URI1: variants seen among roughly 807,000 people sequenced by gnomAD.
URI1 encodes the protein unconventional prefoldin RPB5 interactor 1.
URI1 carries 39 observed loss-of-function variants against 60.2 expected under a neutral mutation model. That is an observed-to-expected ratio of 0.65 (90% CI 0.50 to 0.85). The LOEUF (loss-of-function observed/expected upper bound fraction) is 0.85, where lower values mean the gene tolerates loss of function less well. Among genes scored for constraint, URI1 ranks in the 40% least tolerant of loss-of-function variants. The pLI is 0.00. For synonymous variants in URI1, 251 were observed against 236.8 expected (o/e 1.06, Z -0.55); for missense variants, 691 against 665.9 (o/e 1.04, Z -0.42).
chr19:29,987,721 T>C (rs1317316466), intron 4 of URI1, among the ~76,000 whole-genome samples: 2 of 152,348 alleles, frequency 1.3e-5, no homozygotes, highest in African/African-American at 2.4e-5. Flanking sequence ...GGAATACTTA[T>C]ACTACAATAG....
intron 2 of URI1, among the ~76,000 whole-genome samples, chr19:29,984,229 C>T (rs1331350008): frequency 2.0e-5 from 3 of 152,080 alleles, no homozygotes; most frequent in Non-Finnish European, 4.4e-5. Context: ...AGTTCGAGAC[C>T]AGCCTGGCCA....
intron 2 of URI1, among the ~76,000 whole-genome samples, chr19:29,980,982 A>AC (rs909511300): frequency 3.2e-4 from 48 of 150,490 alleles, no homozygotes; most frequent in African/African-American, 1.1e-3. Context: ...TTAACTTCTT[A>AC]CTTTAAAGTA....
chr19:30,016,141 A>C lies in URI1; in HGVS notation c.*1072A>C, dbSNP rs1488536369. The stretch of plus-strand genomic sequence containing the variant: ...CCACCCTCTCTATTCATGGCTAAAT[A>C]TTTAAAGGTTATTTATAGCTTCTTT... On this transcript the variant is annotated 3_prime_UTR_variant, in exon 11 of 11. Coordinates refer to ENST00000392271, the MANE Select transcript of URI1 (RefSeq NM_003796.3). The C allele has an allele frequency of 6.6e-6, 1 of 152,180 alleles. No homozygotes were observed. Among genetic ancestry groups the C allele is most frequent in the Non-Finnish European group, 1.5e-5 (1 of 67,988 alleles). 9.4% of individuals were successfully genotyped at this position (152,180 alleles called of 1,614,324 possible).
At chr19:29,926,671 C>T (rs1367996757) in intron 1 of URI1, among the ~76,000 whole-genome samples, 1 of 152,172 alleles carries the variant, frequency 6.6e-6, no homozygotes, top group African/African-American at 2.4e-5. Context: ...CACTTTTCTG[C>T]ATATGTGTTA....
At chr19:29,957,192 T>C (rs1322644833) in intron 1 of URI1, among the ~76,000 whole-genome samples, 1 of 152,128 alleles carries the variant, frequency 6.6e-6, no homozygotes, top group Non-Finnish European at 1.5e-5. Flanking sequence ...TCTTCTGTTT[T>C]CATGAATGTA....
At position 30,015,203 on chromosome 19, in the gene URI1, CT is replaced by C. The variant is rs1280663494; in HGVS notation, c.*136del. On this transcript the variant is annotated 3_prime_UTR_variant, in exon 11 of 11. Coordinates refer to ENST00000392271, the MANE Select transcript of URI1 (RefSeq NM_003796.3). ...TACTTTGGCAACAAGTTCTTTTACCCTTACCCGTGGTATTTGAAAAAAATCA... is the reference window on the plus strand; with the variant it reads ...TACTTTGGCAACAAGTTCTTTTACCCTACCCGTGGTATTTGAAAAAAATCA... 5 of 1,433,472 alleles carry C rather than the reference CT, an allele frequency of 3.5e-6. No homozygotes were observed. The highest frequency in any genetic ancestry group is 4.6e-6 in the Non-Finnish European group (5 of 1,096,360). 88.8% of individuals were successfully genotyped at this position (1,433,472 alleles called of 1,614,324 possible). A position where few individuals can be genotyped will look rare whatever the true frequency, so the allele number is the denominator to read the frequency against.
At chr19:29,972,657 CTA>C (rs1244673580) in intron 2 of URI1, among the ~76,000 whole-genome samples, 2 of 152,076 alleles carry the variant, frequency 1.3e-5, no homozygotes, top group Non-Finnish European at 2.9e-5. Context: ...GCCCCTACTG[CTA>C]TGTTTGGCAC....
At chr19:29,941,890 G>A (rs1302807219), upstream of URI1, among the ~76,000 whole-genome samples, 5 of 151,976 alleles carry the variant, frequency 3.3e-5, no homozygotes, top group Middle Eastern at 3.4e-3. Flanking sequence ...CAGATGCAGC[G>A]CCAAACGACG....
chr19:29,982,630 G>A (rs2055613251), intron 2 of URI1, among the ~76,000 whole-genome samples: 1 of 152,130 alleles, frequency 6.6e-6, no homozygotes, highest in South Asian at 2.1e-4. Context: ...TCAGTCCTAT[G>A]GAGACATTCT....
At chr19:30,000,375 T>C (rs2055863217) in intron 4 of URI1, among the ~76,000 whole-genome samples, 1 of 152,060 alleles carries the variant, frequency 6.6e-6, no homozygotes, top group Non-Finnish European at 1.5e-5. Flanking sequence ...TTTCCTGTTT[T>C]CTGTTTCCCA....
intron 1 of URI1, among the ~76,000 whole-genome samples, chr19:29,962,172 G>A (rs201908013): frequency 1.3e-5 from 2 of 151,806 alleles, no homozygotes; most frequent in Admixed American, 6.6e-5. Context: ...GGCTGTTTTT[G>A]TTTTCTGTAA....
intron 1 of URI1, chr19:29,956,889 G>GAGGAACCCTGCGGAA: frequency 7.5e-7 from 1 of 1,331,626 alleles, no homozygotes; most frequent in Non-Finnish European, 1.1e-6. Flanking sequence ...TCCTTCCGCA[G>GAGGAACCCTGCGGAA]GGTTCCTCTG....
intron 4 of URI1, among the ~76,000 whole-genome samples, chr19:30,002,641 C>G (rs570111064): frequency 2.6e-5 from 4 of 151,998 alleles, no homozygotes; most frequent in African/African-American, 7.2e-5. Context: ...AAACAATCTT[C>G]TGTCCTTCAA....
chr19:30,001,969 AGAGGTTTGT>A (rs1568441828), intron 4 of URI1, among the ~76,000 whole-genome samples: 1 of 152,006 alleles, frequency 6.6e-6, no homozygotes, highest in East Asian at 1.9e-4. Context: ...CATCCTGTCC[AGAGGTTTGT>A]GAGTATTTCC....
In URI1 at chr19:29,931,736, T is replaced by G. The variant is rs140798666; in HGVS notation, c.63+7982T>G. Among the ~76,000 whole-genome samples, 189 of 152,268 alleles carry G rather than the reference T, an allele frequency of 1.2e-3. 1 individual carries two copies. Among genetic ancestry groups the G allele is most frequent in the African/African-American group, 4.2e-3 (174 of 41,566 alleles). On this transcript the variant is annotated intron_variant, in intron 1 of 10. Coordinates refer to the URI1 transcript ENST00000360605. Reference sequence around the variant, plus strand: ...ACAAACTTGCTCCTCCTTGGTTAATTTTTTTACTAAATATTTTATTCTTGA... The same window carrying G: ...ACAAACTTGCTCCTCCTTGGTTAATGTTTTTACTAAATATTTTATTCTTGA...
At chr19:29,957,582 C>T (rs1264885968) in intron 1 of URI1, among the ~76,000 whole-genome samples, 1 of 152,050 alleles carries the variant, frequency 6.6e-6, no homozygotes, top group Non-Finnish European at 1.5e-5. Flanking sequence ...TCCTCTAGCA[C>T]TTTGTTCTTC....
intron 1 of URI1, among the ~76,000 whole-genome samples, 195 bp downstream of exon 1, chr19:29,942,859 C>T (rs2055049553): frequency 6.6e-6 from 1 of 152,170 alleles, no homozygotes; most frequent in Non-Finnish European, 1.5e-5. Context: ...GGTGTGCAGC[C>T]CGTTCGCCTG....
chr19:29,960,514 T>G (rs2055308991), intron 1 of URI1, among the ~76,000 whole-genome samples: 1 of 152,214 alleles, frequency 6.6e-6, no homozygotes, highest in African/African-American at 2.4e-5. Flanking sequence ...TTCACCATTC[T>G]GAGATATTTT....
intron 6 of URI1, among the ~76,000 whole-genome samples, chr19:30,006,033 A>G (rs1371757141): frequency 6.6e-6 from 1 of 152,154 alleles, no homozygotes; most frequent in Non-Finnish European, 1.5e-5. Flanking sequence ...TTCTCTGACC[A>G]TGGTGAAGTC....
Sources: gnomAD v4.1 joint callset for allele counts (sites outside exome capture counted in the v4.1 genomes callset) on GRCh38, gnomAD v4.1.1 for gene constraint, MANE v1.5 for transcripts, NCBI Gene and HGNC (gene_info 2026-07-23, HGNC 2026-07-21) for gene names.